Variants in PTPRM observed in about 807,000 individuals in gnomAD.
PTPRM encodes receptor-type tyrosine-protein phosphatase mu.
Under a neutral mutation model 186.7 loss-of-function variants are expected in PTPRM, and 47 were observed. The observed-to-expected ratio is 0.25, with a 90% confidence interval of 0.20 to 0.32. The LOEUF is 0.32. PTPRM is among the 10% of genes least tolerant of loss of function. The pLI, the probability that PTPRM is intolerant of heterozygous loss-of-function variation, is 1.00. For missense variants in PTPRM, 1,494 were observed against 1,865.0 expected, an observed-to-expected ratio of 0.80 and a Z score of 3.66; for synonymous variants, 668 against 674.9, an observed-to-expected ratio of 0.99 and a Z score of 0.16.
intron 7 of PTPRM, among the ~76,000 whole-genome samples, chr18:8,021,289 C>A (rs2085203067): frequency 6.7e-6 from 1 of 148,460 alleles, no homozygotes; most frequent in African/African-American, 2.5e-5. Flanking sequence ...TAACAAAAAC[C>A]AAGTGATTTG....
At chr18:7,666,373 C>G (rs2039094833) in intron 1 of PTPRM, among the ~76,000 whole-genome samples, 1 of 152,182 alleles carries the variant, frequency 6.6e-6, no homozygotes, top group African/African-American at 2.4e-5. Flanking sequence ...AATAACACTC[C>G]TGTCCATGTT....
chr18:8,304,188 GT>G (rs2095193651), intron 20 of PTPRM, among the ~76,000 whole-genome samples: 1 of 152,114 alleles, frequency 6.6e-6, no homozygotes, highest in Non-Finnish European at 1.5e-5. Context: ...CATGACTATT[GT>G]CAATATCCGT....
At chr18:7,875,616 G>A (rs1000729740) in intron 2 of PTPRM, among the ~76,000 whole-genome samples, 11 of 152,076 alleles carry the variant, frequency 7.2e-5, no homozygotes, top group Admixed American at 7.2e-4. Context: ...GAGCCTCTGT[G>A]CCCGGCCAAC....
intron 14 of PTPRM, among the ~76,000 whole-genome samples, chr18:8,238,129 G>A (rs749219098): frequency 6.6e-6 from 1 of 152,120 alleles, no homozygotes; most frequent in South Asian, 2.1e-4. Context: ...ATGTTTGGAA[G>A]ATAAATGACA....
At chr18:7,867,408 C>G (rs1158255126) in intron 2 of PTPRM, among the ~76,000 whole-genome samples, 2 of 152,180 alleles carry the variant, frequency 1.3e-5, no homozygotes, top group Admixed American at 1.3e-4. Context: ...AACAAAATCT[C>G]TCAGCATTTG....
intron 8 of PTPRM, among the ~76,000 whole-genome samples, chr18:8,072,529 TA>T (rs1004135991): frequency 2.0e-5 from 3 of 152,090 alleles, no homozygotes; most frequent in Admixed American, 1.3e-4. Context: ...CCAAAAAAAA[TA>T]CTTCAGAAAA....
chr18:8,241,674 C>G (rs2147275986), intron 14 of PTPRM, among the ~76,000 whole-genome samples: 1 of 152,298 alleles, frequency 6.6e-6, no homozygotes, highest in African/African-American at 2.4e-5. Flanking sequence ...TATTGTCTTA[C>G]ACTGTCTTCC....
chr18:8,201,171 C>A (rs2093849989), intron 14 of PTPRM, among the ~76,000 whole-genome samples: 1 of 152,048 alleles, frequency 6.6e-6, no homozygotes, highest in Non-Finnish European at 1.5e-5. Context: ...CAAAAATTAG[C>A]CAGGCATGGT....
intron 24 of PTPRM, among the ~76,000 whole-genome samples, chr18:8,372,500 T>C (rs2095669453): frequency 6.6e-6 from 1 of 152,236 alleles, no homozygotes; most frequent in Admixed American, 6.5e-5. Context: ...CTACCTTTCC[T>C]GGTTTGCAGA....
At chr18:7,694,445 T>TC (rs1555653074) in intron 1 of PTPRM, among the ~76,000 whole-genome samples, 13,569 of 149,974 alleles carry the variant, frequency 0.09, 1,792 homozygotes, top group African/African-American at 0.28. Flanking sequence ...TTTTTTTTTT[T>TC]CGACAGAGTC....
At chr18:8,341,661 C>T (rs2095475362) in intron 22 of PTPRM, among the ~76,000 whole-genome samples, 1 of 141,522 alleles carries the variant, frequency 7.1e-6, no homozygotes, top group African/African-American at 2.6e-5. Flanking sequence ...GTAGGTGGCA[C>T]AGCCCTGTGT....
At chr18:8,336,672 G>A (rs1489789263) in intron 22 of PTPRM, among the ~76,000 whole-genome samples, 2 of 116,866 alleles carry the variant, frequency 1.7e-5, no homozygotes, top group Admixed American at 2.0e-4. Flanking sequence ...GGAGGAGGAG[G>A]AGAGAAGGAG....
chr18:7,861,897 G>T (rs1401854699), intron 2 of PTPRM, among the ~76,000 whole-genome samples: 3 of 152,088 alleles, frequency 2.0e-5, no homozygotes, highest in African/African-American at 7.2e-5. Context: ...CTGTATATTT[G>T]ATTGAATATT....
In PTPRM at chr18:7,949,077, G is replaced by A. The variant is rs74845164; in HGVS notation, c.664-104G>A. On this transcript the variant is annotated intron_variant, in intron 5 of 32. Coordinates refer to ENST00000580170, the MANE Select transcript of PTPRM (RefSeq NM_001105244.2). ...ATGGGTAATAAGCAACTGCACCAAG[G>A]TCTGCATGAAAACAGCATGGATAAT... The A allele has an allele frequency of 2.2e-5, 25 of 1,135,366 alleles. No homozygotes were observed. In the East Asian group the frequency reaches 6.0e-4, roughly 27 times the overall value. 70.3% of individuals were successfully genotyped at this position (1,135,366 alleles called of 1,614,324 possible).
At chr18:7,705,884 A>G (rs1303910294) in intron 1 of PTPRM, among the ~76,000 whole-genome samples, 1 of 150,964 alleles carries the variant, frequency 6.6e-6, no homozygotes. Context: ...AGTCCACTAG[A>G]TAGTTTTCAT....
At chr18:7,982,374 G>A (rs1220184330) in intron 7 of PTPRM, among the ~76,000 whole-genome samples, 4 of 149,008 alleles carry the variant, frequency 2.7e-5, no homozygotes, top group Non-Finnish European at 5.9e-5. Flanking sequence ...CAGGATCACT[G>A]ATAGCACTGG....
intron 14 of PTPRM, among the ~76,000 whole-genome samples, chr18:8,174,067 A>G (rs1167714004): frequency 1.2e-5 from 1 of 83,364 alleles, no homozygotes; most frequent in Non-Finnish European, 2.5e-5. Context: ...CTCTGTCTCA[A>G]AAAAAAAAAA....
intron 7 of PTPRM, among the ~76,000 whole-genome samples, chr18:7,996,129 A>G (rs186559427): frequency 6.6e-6 from 1 of 152,016 alleles, no homozygotes; most frequent in African/African-American, 2.4e-5. Context: ...TAGGTAAAGC[A>G]TGTTGAAGTT....
At chr18:7,848,978 T>C (rs1346233848) in intron 2 of PTPRM, among the ~76,000 whole-genome samples, 1 of 152,152 alleles carries the variant, frequency 6.6e-6, no homozygotes, top group African/African-American at 2.4e-5. Flanking sequence ...ATACTAGATA[T>C]CTCTGAGCTT....
Sources: gnomAD v4.1 joint callset for allele counts (sites outside exome capture counted in the v4.1 genomes callset) on GRCh38, gnomAD v4.1.1 for gene constraint, MANE v1.5 for transcripts, NCBI Gene and HGNC (gene_info 2026-07-23, HGNC 2026-07-21) for gene names.